The following ARAP2 variants were observed in gnomAD, a reference collection of about 807,000 sequenced individuals.
The protein encoded by ARAP2 is ArfGAP with RhoGAP domain, ankyrin repeat and PH domain 2, also known as arf-GAP with Rho-GAP domain, ANK repeat and PH domain-containing protein 2.
Under a neutral mutation model 194.5 loss-of-function variants are expected in ARAP2, and 148 were observed. The observed-to-expected ratio is 0.76, with a 90% confidence interval of 0.67 to 0.87. The LOEUF (loss-of-function observed/expected upper bound fraction) is 0.87, where lower values mean the gene tolerates loss of function less well. Ranked by LOEUF, ARAP2 falls within the 40% of genes least tolerant of loss-of-function variation. ARAP2 has a pLI of 0.00. For synonymous variants in ARAP2, 695 were observed against 683.5 expected (o/e 1.02, Z -0.26); for missense variants, 2,128 against 1,989.7 (o/e 1.07, Z -1.32).
chr4:36,160,703 G>C, intron 12 of ARAP2, 62 bp from the exon 13 acceptor site: 1 of 1,251,096 alleles, frequency 8.0e-7, no homozygotes, highest in Middle Eastern at 2.8e-4. Flanking sequence ...TGAATCTGCA[G>C]GAAACTGAAT....
intron 27 of ARAP2, among the ~76,000 whole-genome samples, chr4:36,093,191 C>G (rs1355870505): frequency 6.6e-6 from 1 of 151,904 alleles, no homozygotes; most frequent in Non-Finnish European, 1.5e-5. Context: ...ACAACACACA[C>G]TGGGGCCTAT....
intron 27 of ARAP2, among the ~76,000 whole-genome samples, chr4:36,105,479 T>C (rs980996704): frequency 2.0e-5 from 3 of 151,996 alleles, no homozygotes; most frequent in Non-Finnish European, 2.9e-5. Context: ...TACAGAGGCT[T>C]GATGCTTTTA....
intron 10 of ARAP2, among the ~76,000 whole-genome samples, chr4:36,166,125 G>A (rs972072379): frequency 1.3e-5 from 2 of 151,994 alleles, no homozygotes; most frequent in Non-Finnish European, 2.9e-5. Flanking sequence ...CAAAATTTGA[G>A]GCAATGGATG....
intron 28 of ARAP2, among the ~76,000 whole-genome samples, chr4:36,085,242 G>T (rs1730538568): frequency 6.6e-6 from 1 of 151,914 alleles, no homozygotes; most frequent in Admixed American, 6.6e-5. Context: ...GTCTTTTGGG[G>T]GTTGGTTTCT....
At chr4:36,116,854 C>G (rs1043583762) in intron 25 of ARAP2, among the ~76,000 whole-genome samples, 1 of 151,616 alleles carries the variant, frequency 6.6e-6, no homozygotes, top group Non-Finnish European at 1.5e-5. Flanking sequence ...AATCTTAACA[C>G]GTAATCCAAA....
intron 8 of ARAP2, among the ~76,000 whole-genome samples, chr4:36,186,983 C>T (rs903462381): frequency 6.6e-6 from 1 of 152,178 alleles, no homozygotes; most frequent in Non-Finnish European, 1.5e-5. Context: ...GAACCATCTC[C>T]CCACCACCGG....
chr4:36,090,988 G>A (rs1159995369), intron 28 of ARAP2, among the ~76,000 whole-genome samples: 5 of 152,066 alleles, frequency 3.3e-5, no homozygotes, highest in African/African-American at 7.2e-5. Context: ...GGTGGGGCCT[G>A]TGCACATTTG....
chr4:36,035,316 T>C (rs1719722260), intron 5 of ARAP2, among the ~76,000 whole-genome samples: 1 of 152,108 alleles, frequency 6.6e-6, no homozygotes, highest in African/African-American at 2.4e-5. Context: ...TGGGAGGGTG[T>C]ATGTGTCCAG....
At position 36,213,244 on chromosome 4, in the gene ARAP2, T is replaced by G; in HGVS notation, c.1040A>C (p.Lys347Thr). ...ACAATTAAAATGTATGGGACTAACCTTGGAATTTTCTAGTCTCTGGAAGAG... is the reference window on the plus strand; with the variant it reads ...ACAATTAAAATGTATGGGACTAACCGTGGAATTTTCTAGTCTCTGGAAGAG... The part of the protein sequence containing the change: ...TFLFQRLENS[K>T]KRSIKNEFLT... Residue 347 changes from lysine to threonine, a missense_variant and splice_region_variant, in exon 4 of 33, where the codon AAG (lysine) becomes ACG (threonine). Physicochemically the swap from Lys to Thr is moderately conservative, Grantham distance 78 (BLOSUM62 -1). Transcript: ENST00000303965. The G allele has an allele frequency of 6.3e-7, 1 of 1,592,024 alleles. No individual in the cohort carries two copies.
intron 9 of ARAP2, among the ~76,000 whole-genome samples, chr4:36,177,509 G>T (rs1738231628): frequency 6.6e-6 from 1 of 152,042 alleles, no homozygotes; most frequent in Non-Finnish European, 1.5e-5. Context: ...AGGGTTCATT[G>T]GTCCTTAATT....
chr4:36,168,814 A>C (rs1031602066), intron 9 of ARAP2, among the ~76,000 whole-genome samples: 2 of 152,190 alleles, frequency 1.3e-5, no homozygotes, highest in African/African-American at 2.4e-5. Context: ...TTAGAATGGG[A>C]GTGCCATACT....
At chr4:36,064,070 T>C (rs140847388), downstream of ARAP2, among the ~76,000 whole-genome samples, 11 of 152,344 alleles carry the variant, frequency 7.2e-5, no homozygotes, top group East Asian at 1.5e-3. Context: ...GACACTTTGA[T>C]GAATCATCAG....
At chr4:36,138,532 T>C (rs1275828768) in intron 19 of ARAP2, among the ~76,000 whole-genome samples, 1 of 151,664 alleles carries the variant, frequency 6.6e-6, no homozygotes, top group Non-Finnish European at 1.5e-5. Context: ...ATTCATGTTG[T>C]TGTTAATATA....
chr4:36,196,180 CTTAAGA>C (rs1466320324), intron 6 of ARAP2, among the ~76,000 whole-genome samples: 3 of 152,206 alleles, frequency 2.0e-5, no homozygotes, highest in African/African-American at 7.2e-5. Flanking sequence ...ACATGTCTTA[CTTAAGA>C]TTAACTGCAG....
In ARAP2 at chr4:36,107,651, A is replaced by G. The variant is rs752684642; in HGVS notation, c.4199T>C (p.Leu1400Pro). 1 of 1,610,528 alleles carries G rather than the reference A, an allele frequency of 6.2e-7. No homozygotes were observed. Among genetic ancestry groups the G allele is most frequent in the Non-Finnish European group, 8.5e-7 (1 of 1,177,852 alleles). ...HYKENVLEQV[L>P]RWSSLAEPGS... ...AGGTTCAGCTAATGAACTCCACCGA[A>G]GCACCTGCTCCAGTACATTTTCCTT... Residue 1400 changes from leucine to proline, a missense_variant, in exon 27 of 33, where the codon CTT (leucine) becomes CCT (proline). Physicochemically the swap from Leu to Pro is moderately conservative, Grantham distance 98. Transcript: ENST00000303965.
At chr4:36,187,350 T>G in intron 8 of ARAP2, 101 bp downstream of exon 8, 1 of 580,052 alleles carries the variant, frequency 1.7e-6, no homozygotes. Context: ...TATCAAAAAG[T>G]AATATATTTA....
At chr4:36,191,417 A>T (rs1302834243) in intron 7 of ARAP2, among the ~76,000 whole-genome samples, 2 of 152,032 alleles carry the variant, frequency 1.3e-5, no homozygotes, top group African/African-American at 4.8e-5. Context: ...GTAGAATAAT[A>T]GAAAAAAATA....
intron 31 of ARAP2, among the ~76,000 whole-genome samples, chr4:36,076,894 A>T (rs1322666063): frequency 6.6e-6 from 1 of 152,126 alleles, no homozygotes; most frequent in Non-Finnish European, 1.5e-5. Flanking sequence ...TACATCTGAC[A>T]GTTGCCAAAA....
intron 10 of ARAP2, 31 bp from the exon 11 acceptor site, chr4:36,165,144 T>A: frequency 6.2e-7 from 1 of 1,610,874 alleles, no homozygotes; most frequent in South Asian, 1.1e-5. Context: ...GTGTTATCGA[T>A]CTCCCTTGTA....
Sources: allele counts gnomAD v4.1 joint callset (sites outside exome capture counted in the v4.1 genomes callset), GRCh38; gene constraint gnomAD v4.1.1; transcripts MANE v1.5; gene names NCBI Gene and HGNC (gene_info 2026-07-23, HGNC 2026-07-21).